The following TACC2 variants were observed in gnomAD, a reference collection of about 807,000 sequenced individuals.
The protein encoded by TACC2 is transforming acidic coiled-coil-containing protein 2.
A neutral mutation model predicts 227.3 loss-of-function variants in TACC2; 137 were observed. The ratio of observed to expected loss-of-function variants is 0.60; its 90% confidence interval spans 0.52 to 0.69. TACC2 has a LOEUF of 0.69. Among genes scored for constraint, TACC2 ranks in the 30% least tolerant of loss-of-function variants. The pLI is 0.00. For synonymous variants in TACC2, 1,523 were observed against 1,487.5 expected (o/e 1.02, Z -0.55); for missense variants, 3,470 against 3,694.4 (o/e 0.94, Z 1.57).
chr10:122,154,228 A>G (rs1163378108), intron 7 of TACC2, among the ~76,000 whole-genome samples: 1 of 152,222 alleles, frequency 6.6e-6, no homozygotes, highest in Non-Finnish European at 1.5e-5. Context: ...ATGCCGGGCC[A>G]GGCTCCCTCT....
intron 7 of TACC2, among the ~76,000 whole-genome samples, chr10:122,182,855 CA>C (rs2094018183): frequency 6.6e-6 from 1 of 152,072 alleles, no homozygotes; most frequent in Non-Finnish European, 1.5e-5. Flanking sequence ...GAGGCAGGTT[CA>C]AAGACACACA....
chr10:122,174,061 G>T (rs923997178), intron 7 of TACC2, among the ~76,000 whole-genome samples: 36 of 152,300 alleles, frequency 2.4e-4, no homozygotes, highest in African/African-American at 8.4e-4. Context: ...TTTTGTCCTG[G>T]TCATGCCACA....
chr10:122,077,677 A>C (rs1334080527), intron 3 of TACC2, among the ~76,000 whole-genome samples: 1 of 152,240 alleles, frequency 6.6e-6, no homozygotes, highest in African/African-American at 2.4e-5. Context: ...GAAGGGGGCC[A>C]GAGAGGATGG....
At chr10:122,217,233 TC>T (rs1389650907) in intron 11 of TACC2, among the ~76,000 whole-genome samples, 32 of 152,136 alleles carry the variant, frequency 2.1e-4, no homozygotes, top group Admixed American at 1.6e-3. Flanking sequence ...CCACCGTTAT[TC>T]CTAGGCCCCA....
chr10:122,011,460 G>C (rs1429088055), intron 1 of TACC2, among the ~76,000 whole-genome samples: 1 of 152,018 alleles, frequency 6.6e-6, no homozygotes, highest in Non-Finnish European at 1.5e-5. Context: ...CTCCCGAGTA[G>C]CTGGGACTAC....
chr10:122,116,660 A>C lies in TACC2; in HGVS notation c.5574-15949A>C, dbSNP rs1044980050. 1.2e-4 allele frequency among the ~76,000 whole-genome samples: 18 copies of C among 152,320 alleles called. No individual in the cohort carries two copies. In the East Asian group the frequency reaches 3.5e-3, roughly 29 times the overall value. ...TAAAGGGCTGTGCAAATGGAAAGTC[A>C]GTGGTGTTCATATTTTTCATCTGGT... On this transcript the variant is annotated intron_variant, in intron 5 of 22. Coordinates refer to ENST00000369005, the MANE Select transcript of TACC2 (RefSeq NM_206862.4).
intron 19 of TACC2, among the ~76,000 whole-genome samples, chr10:122,245,643 A>G (rs191768093): frequency 2.6e-5 from 4 of 152,226 alleles, no homozygotes; most frequent in South Asian, 2.1e-4. Context: ...TGGCGATTCT[A>G]TGTTAAAAAG....
chr10:122,110,461 G>A (rs147120165), intron 5 of TACC2, among the ~76,000 whole-genome samples: 27 of 152,268 alleles, frequency 1.8e-4, no homozygotes, highest in East Asian at 1.2e-3. Flanking sequence ...TATTTCTGTC[G>A]TGTGGCAGGA....
intron 2 of TACC2, among the ~76,000 whole-genome samples, chr10:122,034,515 G>A (rs747669079): frequency 2.0e-5 from 3 of 152,174 alleles, no homozygotes; most frequent in Non-Finnish European, 4.4e-5. Flanking sequence ...CAACAGCAAT[G>A]CTTCCTGGAT....
chr10:122,125,221 GTCTCACTT>G (rs1266282916), intron 5 of TACC2, among the ~76,000 whole-genome samples: 3 of 152,078 alleles, frequency 2.0e-5, no homozygotes, highest in African/African-American at 4.8e-5. Context: ...TTGAGACAGG[GTCTCACTT>G]TTGTTGCTCA....
intron 8 of TACC2, among the ~76,000 whole-genome samples, chr10:122,196,944 A>AAC (rs1555123763): frequency 1.8e-4 from 26 of 143,786 alleles, no homozygotes; most frequent in East Asian, 1.3e-3. Flanking sequence ...AAAAAAAAAA[A>AAC]AAAAAAACAA....
At chr10:122,182,819 C>T (rs1017185340) in intron 7 of TACC2, among the ~76,000 whole-genome samples, 4 of 152,176 alleles carry the variant, frequency 2.6e-5, no homozygotes, top group Admixed American at 6.5e-5. Context: ...ATACAAGAGG[C>T]GGAGACTCAG....
chr10:122,125,517 C>T (rs2086665464), intron 5 of TACC2, among the ~76,000 whole-genome samples: 2 of 152,084 alleles, frequency 1.3e-5, no homozygotes, highest in Admixed American at 1.3e-4. Context: ...TTTATGAGTA[C>T]AGCTCCTTCA....
At chr10:122,017,697 G>C (rs981849700) in intron 1 of TACC2, among the ~76,000 whole-genome samples, 30 of 151,268 alleles carry the variant, frequency 2.0e-4, no homozygotes, top group African/African-American at 7.3e-4. Context: ...GGTGCCTGTA[G>C]TCCCAGCTAC....
chr10:122,214,747 A>T (rs983573302), intron 9 of TACC2, among the ~76,000 whole-genome samples: 2 of 152,156 alleles, frequency 1.3e-5, no homozygotes, highest in Non-Finnish European at 2.9e-5. Context: ...AGAAAAAGGG[A>T]GAGAAGAGCT....
chr10:122,190,329 C>A (rs983393006), intron 7 of TACC2, among the ~76,000 whole-genome samples: 25 of 152,238 alleles, frequency 1.6e-4, no homozygotes, highest in African/African-American at 6.0e-4. Context: ...CCTTCTTTCA[C>A]ACGGTGTGTC....
At chr10:122,143,767 T>C in intron 7 of TACC2, 61 bp downstream of exon 7, 2 of 1,575,054 alleles carry the variant, frequency 1.3e-6, no homozygotes, top group South Asian at 1.1e-5. Context: ...TGGTGGTCTC[T>C]GCCCCCTAGG....
chr10:122,027,153 T>C (rs1211760426), intron 2 of TACC2, among the ~76,000 whole-genome samples: 2 of 152,232 alleles, frequency 1.3e-5, no homozygotes, highest in African/African-American at 2.4e-5. Flanking sequence ...TGGGTCATTC[T>C]GATAGGTATA....
At chr10:122,026,336 A>AT (rs1486871865) in intron 2 of TACC2, among the ~76,000 whole-genome samples, 1 of 144,482 alleles carries the variant, frequency 6.9e-6, no homozygotes, top group Non-Finnish European at 1.5e-5. Flanking sequence ...AAAAAAAAAA[A>AT]GTATAATTGT....
Sources: allele counts gnomAD v4.1 joint callset (sites outside exome capture counted in the v4.1 genomes callset), GRCh38; gene constraint gnomAD v4.1.1; transcripts MANE v1.5; gene names NCBI Gene and HGNC (gene_info 2026-07-23, HGNC 2026-07-21).